GRID1: variants seen among roughly 807,000 people sequenced by gnomAD.
GRID1 encodes the protein glutamate receptor ionotropic, delta-1.
GRID1 carries 28 observed loss-of-function variants against 98.0 expected under a neutral mutation model. The observed-to-expected ratio is 0.29, with a 90% CI of 0.21 to 0.39. The LOEUF (loss-of-function observed/expected upper bound fraction) is 0.39. GRID1 is among the 10% of genes least tolerant of loss of function. The pLI is 1.00. For missense variants in GRID1, 1,111 were observed against 1,340.5 expected, an observed-to-expected ratio of 0.83 and a Z score of 2.67; for synonymous variants, 553 against 538.5, an observed-to-expected ratio of 1.03 and a Z score of -0.37.
chr10:86,205,209 C>A (rs1846008856), intron 3 of GRID1, among the ~76,000 whole-genome samples: 1 of 152,240 alleles, frequency 6.6e-6, no homozygotes, highest in South Asian at 2.1e-4. Context: ...ATGCTGATTT[C>A]TTTTCTTAGT....
intron 8 of GRID1, among the ~76,000 whole-genome samples, chr10:85,747,518 G>T (rs2132681715): frequency 6.6e-6 from 1 of 152,186 alleles, no homozygotes; most frequent in East Asian, 1.9e-4. Context: ...TAGGGCTCAG[G>T]CCTCCTTCCT....
intron 3 of GRID1, among the ~76,000 whole-genome samples, chr10:86,198,519 G>A (rs942428302): frequency 9.9e-5 from 15 of 152,220 alleles, no homozygotes; most frequent in East Asian, 1.9e-4. Context: ...GTTACCACGC[G>A]CCAGGTACTG....
At chr10:85,673,811 TC>T (rs1841114342) in intron 12 of GRID1, among the ~76,000 whole-genome samples, 1 of 152,224 alleles carries the variant, frequency 6.6e-6, no homozygotes, top group African/African-American at 2.4e-5. Context: ...TTGAACAAAT[TC>T]CTCTCAGATC....
intron 11 of GRID1, among the ~76,000 whole-genome samples, chr10:85,724,076 T>C (rs1371978321): frequency 6.6e-6 from 1 of 152,172 alleles, no homozygotes; most frequent in Non-Finnish European, 1.5e-5. Context: ...CACTTTAATG[T>C]AGGAGGAGAG....
At chr10:85,610,691 C>G (rs1038434959) in intron 15 of GRID1, among the ~76,000 whole-genome samples, 1 of 152,192 alleles carries the variant, frequency 6.6e-6, no homozygotes, top group Admixed American at 6.5e-5. Context: ...GGGCCCAGCT[C>G]TCTGCCACAT....
At chr10:86,117,082 C>T (rs1441460257) in intron 4 of GRID1, among the ~76,000 whole-genome samples, 1 of 150,850 alleles carries the variant, frequency 6.6e-6, no homozygotes, top group Admixed American at 6.6e-5. Context: ...AATAACAACA[C>T]CTTTACCACC....
At chr10:85,796,456 C>A (rs563224260) in intron 8 of GRID1, among the ~76,000 whole-genome samples, 1 of 152,192 alleles carries the variant, frequency 6.6e-6, no homozygotes, top group Admixed American at 6.5e-5. Context: ...CTAGAAACAA[C>A]AACAGAAAGG....
At chr10:85,691,280 T>C (rs1392375891) in intron 12 of GRID1, among the ~76,000 whole-genome samples, 1 of 152,248 alleles carries the variant, frequency 6.6e-6, no homozygotes, top group African/African-American at 2.4e-5. Flanking sequence ...TAGAAAGCAA[T>C]TCTGCCATAA....
intron 2 of GRID1, among the ~76,000 whole-genome samples, chr10:86,223,428 G>T (rs969106137): frequency 6.6e-6 from 1 of 152,334 alleles, no homozygotes; most frequent in East Asian, 1.9e-4. Flanking sequence ...TGCCTGGCAC[G>T]CATGCAGGCA....
At chr10:85,756,522 G>A (rs1052653229) in intron 8 of GRID1, among the ~76,000 whole-genome samples, 2 of 152,192 alleles carry the variant, frequency 1.3e-5, no homozygotes, top group Non-Finnish European at 2.9e-5. Context: ...GGTACAAAGT[G>A]ACCGACTGGT....
intron 12 of GRID1, among the ~76,000 whole-genome samples, chr10:85,695,840 A>G (rs1053760397): frequency 2.6e-5 from 4 of 152,160 alleles, no homozygotes; most frequent in Non-Finnish European, 5.9e-5. Flanking sequence ...TAACCCAAGG[A>G]ATAGGGAGCA....
At chr10:86,052,274 T>C (rs1349636698) in intron 4 of GRID1, among the ~76,000 whole-genome samples, 2 of 152,142 alleles carry the variant, frequency 1.3e-5, no homozygotes, top group Non-Finnish European at 2.9e-5. Flanking sequence ...TTTAAAAATC[T>C]AGAAAATCCC....
Position 85,916,291 on chromosome 10 carries a change from GAC to G in GRID1, c.727-54_727-53del, listed in dbSNP as rs764065285. On this transcript the variant is annotated intron_variant, in intron 4 of 15. Transcript: ENST00000327946. The surrounding 1 kb of genome is among the most constrained non-coding windows in gnomAD (Gnocchi z 4.0). ...AACAGAAGCAAGACAGAAGCTGGCAGACACAGGATGATTGCCGAGACAGAGTT... is the reference window on the plus strand; with the variant it reads ...AACAGAAGCAAGACAGAAGCTGGCAGACAGGATGATTGCCGAGACAGAGTT... 4.0e-6 allele frequency: 5 copies of G among 1,264,068 alleles called. No homozygotes were observed. In the South Asian group the frequency reaches 6.0e-5, roughly 15 times the overall value. The allele number at this position is 1,264,068 out of a possible 1,614,324, so 78.3% of individuals were successfully genotyped here.
intron 4 of GRID1, among the ~76,000 whole-genome samples, chr10:85,991,784 C>T (rs149891529): frequency 1.1e-3 from 170 of 152,000 alleles, no homozygotes; most frequent in African/African-American, 2.2e-3. Flanking sequence ...CAAATTGTGG[C>T]GGGTGGAAAA....
chr10:86,151,809 G>A lies in GRID1; in HGVS notation c.521-12785C>T, dbSNP rs936285376. On this transcript the variant is annotated intron_variant, in intron 3 of 15. Coordinates refer to ENST00000327946, the MANE Select transcript of GRID1 (RefSeq NM_017551.3). ...ATCCCTGGGACCAGCAGTGTCTCGG[G>A]ATCTGCGCTGGTGGGGAATGTGTGT... 2.0e-5 allele frequency among the ~76,000 whole-genome samples: 3 copies of A among 152,300 alleles called. No individual in the cohort carries two copies. In the East Asian group the frequency reaches 5.8e-4, roughly 29 times the overall value.
intron 2 of GRID1, among the ~76,000 whole-genome samples, chr10:86,219,165 G>A (rs536537770): frequency 3.6e-4 from 55 of 152,354 alleles, no homozygotes; most frequent in African/African-American, 1.2e-3. Context: ...GTCACCTGGT[G>A]GGGACCAAGA....
At chr10:86,202,421 C>A (rs1845967513) in intron 3 of GRID1, among the ~76,000 whole-genome samples, 2 of 152,224 alleles carry the variant, frequency 1.3e-5, no homozygotes, top group African/African-American at 4.8e-5. Context: ...ACTAGCACCC[C>A]CCTCCCACCT....
intron 8 of GRID1, among the ~76,000 whole-genome samples, chr10:85,810,583 C>T (rs1226580917): frequency 1.3e-5 from 2 of 152,306 alleles, no homozygotes; most frequent in East Asian, 3.9e-4. Context: ...CAGACCCATT[C>T]CAGGCAGACC....
intron 2 of GRID1, among the ~76,000 whole-genome samples, chr10:86,245,488 CCATTTGCTTTACTCCATTCCTCCTCT>C: frequency 7.1e-5 from 1 of 14,054 alleles, no homozygotes; most frequent in Non-Finnish European, 3.2e-4. Context: ...TCCTCCTCTA[CCATTTGCTTTACTCCATTCCTCCTCT>C]ACCATTTGCT....
Sources: gnomAD v4.1 joint callset for allele counts (sites outside exome capture counted in the v4.1 genomes callset) on GRCh38, gnomAD v4.1.1 for gene constraint, Gnocchi (gnomAD v3.1) non-coding constraint, MANE v1.5 for transcripts, NCBI Gene and HGNC (gene_info 2026-07-23, HGNC 2026-07-21) for gene names.